Variants in GFRA2 observed in about 807,000 individuals in gnomAD.
The protein encoded by GFRA2 is GDNF family receptor alpha 2, also known as GDNF family receptor alpha-2.
Under a neutral mutation model 48.3 loss-of-function variants are expected in GFRA2, and 17 were observed. That is an observed-to-expected ratio of 0.35 (90% confidence interval 0.24 to 0.53). The LOEUF (loss-of-function observed/expected upper bound fraction) is 0.53, where lower values mean the gene tolerates loss of function less well. Among genes scored for constraint, GFRA2 ranks in the 20% least tolerant of loss-of-function variants. GFRA2 has a pLI of 0.93. For synonymous variants in GFRA2, 305 were observed against 257.2 expected (o/e 1.19, Z -1.78); for missense variants, 660 against 637.3 (o/e 1.04, Z -0.38).
chr8:21,790,987 G>T (rs1469774959), upstream of GFRA2, among the ~76,000 whole-genome samples: 1 of 152,040 alleles, frequency 6.6e-6, no homozygotes, highest in African/African-American at 2.4e-5. Flanking sequence ...GACTTCCAGG[G>T]TCTTCTGGTT....
At chr8:21,805,438 C>T (rs975686244) in intron 1 of GFRA2, among the ~76,000 whole-genome samples, 1 of 152,202 alleles carries the variant, frequency 6.6e-6, no homozygotes, top group African/African-American at 2.4e-5. Context: ...CGACTGAGTA[C>T]TTACCAATTA....
intron 3 of GFRA2, among the ~76,000 whole-genome samples, chr8:21,770,953 T>C (rs1806408511): frequency 6.6e-6 from 1 of 152,192 alleles, no homozygotes; most frequent in Admixed American, 6.5e-5. Flanking sequence ...CACAGGGTCA[T>C]GGAGCCTGGG....
intron 3 of GFRA2, among the ~76,000 whole-genome samples, chr8:21,769,970 T>C (rs935658953): frequency 6.6e-6 from 1 of 152,194 alleles, no homozygotes; most frequent in Non-Finnish European, 1.5e-5. Context: ...CCCAGATGCA[T>C]GCTGGCCAAC....
intron 6 of GFRA2, among the ~76,000 whole-genome samples, chr8:21,703,394 G>C (rs78292301): frequency 0.032 from 4,806 of 151,854 alleles, 109 homozygotes; most frequent in Middle Eastern, 0.054. Context: ...GTGCCTCCTC[G>C]GATGTTCCCA....
At chr8:21,698,076 GGAAATAGCCTGGAGCTTAC>G (rs1802298577) in intron 7 of GFRA2, among the ~76,000 whole-genome samples, 1 of 152,168 alleles carries the variant, frequency 6.6e-6, no homozygotes, top group Non-Finnish European at 1.5e-5. Flanking sequence ...GTGGGTCTAG[GGAAATAGCCTGGAGCTTAC>G]TCCATCCCTA....
intron 7 of GFRA2, among the ~76,000 whole-genome samples, chr8:21,696,136 CCCT>C (rs1211621388): frequency 5.2e-3 from 28 of 5,344 alleles, no homozygotes; most frequent in African/African-American, 0.02. Flanking sequence ...CCTCCCCTCT[CCCT>C]CTGTCCCCTC....
chr8:21,792,984 G>A (rs1235709754), upstream of GFRA2, among the ~76,000 whole-genome samples: 17 of 152,160 alleles, frequency 1.1e-4, no homozygotes, highest in Admixed American at 1.0e-3. Flanking sequence ...GGAGAACCAC[G>A]TGAACCTGGG....
At chr8:21,701,309 G>T (rs1802463431) in intron 7 of GFRA2, among the ~76,000 whole-genome samples, 1 of 152,224 alleles carries the variant, frequency 6.6e-6, no homozygotes, top group South Asian at 2.1e-4. Flanking sequence ...CAGGAGAATG[G>T]CGTGAACCCA....
chr8:21,701,310 C>T (rs1025271101), intron 7 of GFRA2, among the ~76,000 whole-genome samples: 15 of 152,180 alleles, frequency 9.9e-5, no homozygotes, highest in African/African-American at 2.9e-4. Flanking sequence ...AGGAGAATGG[C>T]GTGAACCCAG....
At chr8:21,761,001 C>A (rs1301630779) in intron 3 of GFRA2, among the ~76,000 whole-genome samples, 1 of 152,082 alleles carries the variant, frequency 6.6e-6, no homozygotes, top group African/African-American at 2.4e-5. Flanking sequence ...CTCAGCAGGG[C>A]TGGAAGGAAG....
At chr8:21,759,117 G>A (rs773034087) in intron 3 of GFRA2, among the ~76,000 whole-genome samples, 13 of 152,168 alleles carry the variant, frequency 8.5e-5, no homozygotes, top group Non-Finnish European at 1.3e-4. Flanking sequence ...AAGGTCGGCC[G>A]CAGTGGCTCA....
At chr8:21,763,854 C>T (rs1269561063) in intron 3 of GFRA2, among the ~76,000 whole-genome samples, 2 of 151,804 alleles carry the variant, frequency 1.3e-5, no homozygotes, top group Non-Finnish European at 2.9e-5. Flanking sequence ...CCCTCTCCTC[C>T]TCTCTTCCTC....
intron 4 of GFRA2, among the ~76,000 whole-genome samples, chr8:21,715,544 T>A (rs1010143608): frequency 6.6e-6 from 1 of 152,176 alleles, no homozygotes; most frequent in Non-Finnish European, 1.5e-5. Context: ...TCTGACCTCA[T>A]GATCCACCTG....
intron 4 of GFRA2, among the ~76,000 whole-genome samples, chr8:21,722,728 C>A (rs1803663308): frequency 6.6e-6 from 1 of 152,208 alleles, no homozygotes; most frequent in African/African-American, 2.4e-5. Context: ...AGGCCCTCTC[C>A]CTAATCCCTG....
intron 2 of GFRA2, among the ~76,000 whole-genome samples, chr8:21,778,216 G>C (rs1806805573): frequency 6.9e-6 from 1 of 145,272 alleles, no homozygotes; most frequent in Non-Finnish European, 1.5e-5. Flanking sequence ...TCAAGGAACA[G>C]GGAGGAAGGA....
At chr8:21,755,061 G>A (rs1262982134) in intron 3 of GFRA2, among the ~76,000 whole-genome samples, 1 of 152,170 alleles carries the variant, frequency 6.6e-6, no homozygotes, top group East Asian at 1.9e-4. Context: ...GGAGTCAGTG[G>A]GGAGTGGGGG....
chr8:21,705,886 G>A (rs1189074888), intron 5 of GFRA2, 46 bp downstream of exon 5: 37 of 1,302,398 alleles, frequency 2.8e-5, no homozygotes, highest in Non-Finnish European at 3.9e-5. Flanking sequence ...TGCTGAGATG[G>A]GGGCAGCAAG....
At chr8:21,802,457 T>A (rs1035903365) in intron 2 of GFRA2, among the ~76,000 whole-genome samples, 12 of 152,270 alleles carry the variant, frequency 7.9e-5, no homozygotes, top group Non-Finnish European at 1.6e-4. Context: ...CAGGCTCAAG[T>A]GATCCTCCCA....
Position 21,755,709 on chromosome 8 carries a change from A to C in GFRA2, c.440-4767T>G, listed in dbSNP as rs141534685. The stretch of plus-strand genomic sequence containing the variant: ...CCTACAGGAGGACTCAGAGGAAGTA[A>C]AGACAGCAGAAAAAGGATCCCAGGC... On this transcript the variant is annotated intron_variant, in intron 3 of 8. Transcript: ENST00000524240. 5.7e-3 allele frequency among the ~76,000 whole-genome samples: 869 copies of C among 152,312 alleles called. 5 individuals are homozygous for C. Among genetic ancestry groups the C allele is most frequent in the African/African-American group, 0.02 (836 of 41,564 alleles).
Sources: gnomAD v4.1 joint callset for allele counts (sites outside exome capture counted in the v4.1 genomes callset) on GRCh38, gnomAD v4.1.1 for gene constraint, MANE v1.5 for transcripts, NCBI Gene and HGNC (gene_info 2026-07-23, HGNC 2026-07-21) for gene names.